Variants in NBL1 observed in about 807,000 individuals in gnomAD.
The protein encoded by NBL1 is neuroblastoma suppressor of tumorigenicity 1.
A neutral mutation model predicts 16.0 loss-of-function variants in NBL1; 9 were observed. The ratio of observed to expected loss-of-function variants is 0.56; its 90% confidence interval spans 0.34 to 0.98. The LOEUF (loss-of-function observed/expected upper bound fraction) is 0.98, where lower values mean the gene tolerates loss of function less well. NBL1 is among the 50% of genes least tolerant of loss of function. The probability of loss-of-function intolerance (pLI) is 0.02; values close to 1 mark genes in which losing one functional copy is unlikely to be tolerated. For synonymous variants in NBL1, 86 were observed against 100.7 expected (o/e 0.85, Z 0.87); for missense variants, 196 against 243.1 (o/e 0.81, Z 1.29).
Position 19,656,895 on chromosome 1 carries a change from G to A in NBL1, c.312G>A (p.Glu104=), listed in dbSNP as rs752223440. The A allele has an allele frequency of 8.7e-6, 14 of 1,612,582 alleles. No individual in the cohort carries two copies. Among genetic ancestry groups the A allele is most frequent in the Admixed American group, 3.3e-5 (2 of 59,934 alleles). ...CGCTGGAGTGCCCGGGCCACGAGGA[G>A]GTGCCCAGGGTGGACAAGCTGGTGG... ...IVTLECPGHE[E]VPRVDKLVEK... The change falls in exon 4 of 4, where the codon GAG becomes GAA. Residue 104 remains glutamate, a synonymous_variant. Coordinates refer to ENST00000375136, the MANE Select transcript of NBL1 (RefSeq NM_005380.8).
intron 1 of NBL1, chr1:19,645,656 C>T (rs1409052961): frequency 2.6e-6 from 3 of 1,166,018 alleles, no homozygotes; most frequent in Non-Finnish European, 3.2e-6. Flanking sequence ...GCTGCTTGGG[C>T]GTGGTTTGCC....
At chr1:19,651,572 G>A (rs1393925647) in intron 1 of NBL1, among the ~76,000 whole-genome samples, 2 of 152,068 alleles carry the variant, frequency 1.3e-5, no homozygotes, top group Admixed American at 1.3e-4. Flanking sequence ...CTCGGCTTCA[G>A]CCTAGTTGTG....
chr1:19,652,220 G>A (rs1431808919), intron 1 of NBL1, among the ~76,000 whole-genome samples: 1 of 152,216 alleles, frequency 6.6e-6, no homozygotes, highest in Non-Finnish European at 1.5e-5. Context: ...CCAGCCCAGG[G>A]AGCCCTGGCC....
rs888026901 is a variant in NBL1, at chr1:19,657,393, C to T, written c.*264C>T. The T allele has an allele frequency of 4.4e-6, 1 of 224,994 alleles. No homozygotes were observed. The highest frequency in any genetic ancestry group is 8.4e-6 in the Non-Finnish European group (1 of 118,476). 13.9% of individuals were successfully genotyped at this position (224,994 alleles called of 1,614,324 possible). ...TTTGGGGGGGGTGGTCTCTTCCTGT[C>T]TGGCTTCTAGAGATGTGCCTGTGGG... On this transcript the variant is annotated 3_prime_UTR_variant, in exon 4 of 4. Transcript: ENST00000375136.
At chr1:19,647,544 G>T in intron 1 of NBL1, 3 of 935,650 alleles carry the variant, frequency 3.2e-6, no homozygotes, top group Non-Finnish European at 3.8e-6. Context: ...CTTAGTGAGT[G>T]TGGGGGGAGA....
intron 1 of NBL1, among the ~76,000 whole-genome samples, 187 bp from the exon 2 acceptor site, chr1:19,654,825 G>C (rs1246328049): frequency 6.6e-6 from 1 of 152,178 alleles, no homozygotes; most frequent in Non-Finnish European, 1.5e-5. Context: ...TCTGATGTAG[G>C]TACCACTCCC....
chr1:19,644,188 G>A, upstream of NBL1: 2 of 979,846 alleles, frequency 2.0e-6, no homozygotes, highest in South Asian at 9.4e-5. The surrounding 1 kb of genome is among the most constrained non-coding windows in gnomAD (Gnocchi z 4.6). Context: ...GGGAGAGGCC[G>A]CGCGCGCCCG....
Position 19,644,579 on chromosome 1 carries a change from C to G in NBL1, c.-20+133C>G. Reference sequence around the variant, plus strand: ...GGCCGCGGGCACCGGGTGGAGGCGCCGCCGCCGAGCTCAGGAGCCCTGGGG... The same window carrying G: ...GGCCGCGGGCACCGGGTGGAGGCGCGGCCGCCGAGCTCAGGAGCCCTGGGG... On this transcript the variant is annotated intron_variant, in intron 1 of 3. Coordinates refer to ENST00000375136, the MANE Select transcript of NBL1 (RefSeq NM_005380.8). The surrounding 1 kb of genome is among the most constrained non-coding windows in gnomAD (Gnocchi z 4.6). The G allele has an allele frequency of 9.3e-6, 4 of 427,962 alleles. No homozygotes were observed. Among genetic ancestry groups the G allele is most frequent in the African/African-American group, 8.8e-5 (4 of 45,244 alleles). The allele number at this position is 427,962 out of a possible 1,614,324, so 26.5% of individuals were successfully genotyped here. A position where few individuals can be genotyped will look rare whatever the true frequency, so the allele number is the denominator to read the frequency against.
chr1:19,656,728 A>G (rs966315018), intron 3 of NBL1, 138 bp from the exon 4 acceptor site: 3 of 1,389,062 alleles, frequency 2.2e-6, no homozygotes, highest in Non-Finnish European at 1.9e-6. Context: ...CCCCCTCCCC[A>G]TGGGACCCCA....
intron 1 of NBL1, among the ~76,000 whole-genome samples, chr1:19,646,332 G>A (rs3828100): frequency 0.13 from 20,476 of 152,230 alleles, 1,560 homozygotes; most frequent in African/African-American, 0.2. Flanking sequence ...TGAAGCTGAG[G>A]GGGGAAGCAA....
intron 1 of NBL1, chr1:19,647,527 C>A: frequency 1.2e-6 from 1 of 818,392 alleles, no homozygotes; most frequent in Non-Finnish European, 1.5e-6. Flanking sequence ...GAGAGCCAGA[C>A]CCTGCCCTTA....
intron 1 of NBL1, among the ~76,000 whole-genome samples, chr1:19,651,829 GAC>G (rs2095027343): frequency 6.6e-6 from 1 of 152,076 alleles, no homozygotes; most frequent in Admixed American, 6.6e-5. Context: ...CACATAGCTG[GAC>G]TACAGGTGCA....
At chr1:19,648,516 C>T (rs918872054) in intron 1 of NBL1, among the ~76,000 whole-genome samples, 2 of 152,212 alleles carry the variant, frequency 1.3e-5, no homozygotes, top group Non-Finnish European at 2.9e-5. Context: ...AGCTGGCCTT[C>T]CTGGGGGACC....
At position 19,644,459 on chromosome 1, in the gene NBL1, CG is replaced by C; in HGVS notation, c.-20+16del. On this transcript the variant is annotated intron_variant, in intron 1 of 3. Transcript: ENST00000375136. This position sits in a 1 kb window ranked among gnomAD's most constrained non-coding sequence, Gnocchi z 4.6. ...GCGGGCGCGCGCGGTAAGTCCCGCC[CG>C]GGTCGGCACGCGGGCGCCCGGCTTC... is the stretch of plus-strand genomic sequence containing the variant. 1.0e-6 allele frequency: 1 copy of C among 978,522 alleles called. No homozygotes were observed. Among genetic ancestry groups the C allele is most frequent in the Non-Finnish European group, 1.2e-6 (1 of 827,088 alleles). 60.6% of individuals were successfully genotyped at this position (978,522 alleles called of 1,614,324 possible).
chr1:19,647,391 G>A (rs1028458550), intron 1 of NBL1, among the ~76,000 whole-genome samples: 1 of 152,104 alleles, frequency 6.6e-6, no homozygotes, highest in African/African-American at 2.4e-5. Context: ...GTGCCACCGC[G>A]CTCCAGCCTG....
intron 1 of NBL1, among the ~76,000 whole-genome samples, chr1:19,646,199 C>T (rs1558359755): frequency 6.6e-6 from 1 of 152,144 alleles, no homozygotes; most frequent in African/African-American, 2.4e-5. Flanking sequence ...GCCACCCTGC[C>T]GTGAGACTGG....
At chr1:19,646,963 G>A (rs1356891906) in intron 1 of NBL1, among the ~76,000 whole-genome samples, 5 of 152,228 alleles carry the variant, frequency 3.3e-5, no homozygotes, top group Non-Finnish European at 5.9e-5. Context: ...CTGTGGGAGC[G>A]AGGGGCAGAA....
intron 1 of NBL1, among the ~76,000 whole-genome samples, chr1:19,648,866 C>T (rs1414968666): frequency 6.6e-6 from 1 of 152,130 alleles, no homozygotes; most frequent in Non-Finnish European, 1.5e-5. Flanking sequence ...TCGTGTCACA[C>T]ATACCTTTAC....
intron 1 of NBL1, among the ~76,000 whole-genome samples, chr1:19,646,621 C>T (rs1399652495): frequency 2.0e-5 from 3 of 152,196 alleles, no homozygotes; most frequent in Admixed American, 2.0e-4. Flanking sequence ...CTTGCCAAGC[C>T]CCAAGCCTAG....
Sources: allele counts gnomAD v4.1 joint callset (sites outside exome capture counted in the v4.1 genomes callset), GRCh38; gene constraint gnomAD v4.1.1; non-coding constraint Gnocchi (gnomAD v3.1); transcripts MANE v1.5; gene names NCBI Gene and HGNC (gene_info 2026-07-23, HGNC 2026-07-21).